The following ETS1 variants were observed in gnomAD, a reference collection of about 807,000 sequenced individuals.
The protein encoded by ETS1 is ETS proto-oncogene 1, transcription factor.
ETS1 carries 15 observed loss-of-function variants against 58.6 expected under a neutral mutation model. The observed-to-expected ratio is 0.26, with a 90% confidence interval of 0.17 to 0.39. The LOEUF (loss-of-function observed/expected upper bound fraction) is 0.39, where lower values mean the gene tolerates loss of function less well. Among genes scored for constraint, ETS1 ranks in the 10% least tolerant of loss-of-function variants. The pLI is 1.00. For missense variants in ETS1, 417 were observed against 610.5 expected, an observed-to-expected ratio of 0.68 and a Z score of 3.34; for synonymous variants, 214 against 218.2, an observed-to-expected ratio of 0.98 and a Z score of 0.17.
chr11:128,533,417 G>A (rs1863928789), intron 3 of ETS1, among the ~76,000 whole-genome samples: 1 of 152,126 alleles, frequency 6.6e-6, no homozygotes, highest in Admixed American at 6.5e-5. Flanking sequence ...AACTCCCTTA[G>A]ATACTCCTCA....
intron 2 of ETS1, among the ~76,000 whole-genome samples, chr11:128,556,716 T>G (rs576656483): frequency 1.1e-4 from 16 of 152,352 alleles, no homozygotes; most frequent in African/African-American, 3.6e-4. Flanking sequence ...AACCCATGGT[T>G]AACAGCAGGG....
chr11:128,523,144 T>C (rs558450580), intron 3 of ETS1, among the ~76,000 whole-genome samples: 20 of 152,336 alleles, frequency 1.3e-4, no homozygotes, highest in African/African-American at 4.8e-4. Context: ...TCTCCTCTTT[T>C]AGATAAAACT....
intron 8 of ETS1, among the ~76,000 whole-genome samples, chr11:128,477,716 G>C (rs1296453744): frequency 6.6e-6 from 1 of 152,170 alleles, no homozygotes; most frequent in Non-Finnish European, 1.5e-5. Context: ...TCCAGTTCAA[G>C]TCTAAGGATA....
At chr11:128,488,632 C>T (rs1413052970) in intron 5 of ETS1, among the ~76,000 whole-genome samples, 1 of 152,142 alleles carries the variant, frequency 6.6e-6, no homozygotes, top group African/African-American at 2.4e-5. Flanking sequence ...CCAAGTTTGC[C>T]GCCTGCTGCT....
chr11:128,471,232 G>A (rs1425686316), intron 8 of ETS1, among the ~76,000 whole-genome samples: 4 of 152,232 alleles, frequency 2.6e-5, no homozygotes, highest in Non-Finnish European at 5.9e-5. Context: ...TTGACAGCAA[G>A]ACCAGGTGGC....
intron 9 of ETS1, 102 bp from the exon 10 acceptor site, chr11:128,462,678 C>A (rs1167651583): frequency 1.2e-6 from 1 of 809,630 alleles, no homozygotes; most frequent in African/African-American, 1.7e-5. Context: ...TCATGGTGAC[C>A]CATGATGCTC....
At chr11:128,570,635 T>C (rs1486034798) in intron 2 of ETS1, among the ~76,000 whole-genome samples, 1 of 152,242 alleles carries the variant, frequency 6.6e-6, no homozygotes, top group Non-Finnish European at 1.5e-5. Context: ...TTAAATCTTA[T>C]TTTTCAAGTC....
At chr11:128,522,136 T>G in intron 3 of ETS1, 1 of 1,320,858 alleles carries the variant, frequency 7.6e-7, no homozygotes, top group Non-Finnish European at 9.7e-7. Context: ...CCCGCTGCCT[T>G]TCTTTCCCCC....
intron 3 of ETS1, among the ~76,000 whole-genome samples, chr11:128,547,926 G>A (rs1864156523): frequency 2.0e-5 from 3 of 152,088 alleles, no homozygotes; most frequent in African/African-American, 4.8e-5. Context: ...ATGCTTCAGT[G>A]GGAAGGTGAT....
chr11:128,527,057 G>T (rs1461933519), intron 3 of ETS1: 1 of 441,290 alleles, frequency 2.3e-6, no homozygotes, highest in African/African-American at 2.0e-5. Flanking sequence ...AGACACCCTT[G>T]AGACACAAGA....
At chr11:128,580,152 GA>G (rs1290451042) in intron 1 of ETS1, among the ~76,000 whole-genome samples, 1 of 121,608 alleles carries the variant, frequency 8.2e-6, no homozygotes, top group Non-Finnish European at 1.6e-5. Flanking sequence ...GCTTATCCAA[GA>G]GAGTAAGTTA....
intron 3 of ETS1, among the ~76,000 whole-genome samples, chr11:128,529,464 G>T (rs117361200): frequency 1.3e-5 from 2 of 152,110 alleles, no homozygotes; most frequent in African/African-American, 4.8e-5. Flanking sequence ...CACTTTTGTC[G>T]AAGTAGAGTA....
At chr11:128,559,522 T>C (rs916155425) in intron 2 of ETS1, among the ~76,000 whole-genome samples, 8 of 152,226 alleles carry the variant, frequency 5.3e-5, no homozygotes, top group African/African-American at 1.9e-4. Flanking sequence ...CTGTATATTT[T>C]TAAGGCATAG....
chr11:128,462,428 C>T lies in ETS1; in HGVS notation c.1391G>A (p.Ser464Asn), dbSNP rs760985718. The change falls in exon 10 of 10, where the codon AGC (serine) becomes AAC (asparagine). Residue 464 changes from serine (S) to asparagine (N), a missense_variant. Transcript: ENST00000392668. ...CTCCTCAGGGGTGTACCCCAGCAGG[C>T]TCTGCAGGTCACACACAAAGCGGTA... ...YVYRFVCDLQSLLGYTPEELH... is the reference protein window; with the variant it reads ...YVYRFVCDLQNLLGYTPEELH... The T allele has an allele frequency of 1.2e-6, 2 of 1,614,206 alleles. No homozygotes were observed. The highest frequency in any genetic ancestry group is 1.7e-6 in the Non-Finnish European group (2 of 1,180,036).
chr11:128,479,415 C>T (rs1862420615), intron 8 of ETS1, among the ~76,000 whole-genome samples: 1 of 152,334 alleles, frequency 6.6e-6, no homozygotes, highest in East Asian at 1.9e-4. Context: ...ATGATTAACA[C>T]ATTAATGCTC....
At chr11:128,508,643 ACT>A (rs1395646939) in intron 3 of ETS1, among the ~76,000 whole-genome samples, 1 of 152,182 alleles carries the variant, frequency 6.6e-6, no homozygotes, top group African/African-American at 2.4e-5. Context: ...GTTTATCTAA[ACT>A]CTGTATCGTA....
At chr11:128,475,889 T>TGTGTGG (rs1417603760) in intron 8 of ETS1, among the ~76,000 whole-genome samples, 1 of 151,584 alleles carries the variant, frequency 6.6e-6, no homozygotes, top group African/African-American at 2.4e-5. Flanking sequence ...CCTTTGTGTG[T>TGTGTGG]GTGTGTGTGT....
intron 3 of ETS1, chr11:128,522,019 G>A (rs1167020813): frequency 6.4e-7 from 1 of 1,568,454 alleles, no homozygotes; most frequent in South Asian, 1.1e-5. Flanking sequence ...GGGACGTACG[G>A]GATGGTAGCA....
chr11:128,479,891 C>T (rs922268051), intron 8 of ETS1, among the ~76,000 whole-genome samples: 1 of 151,918 alleles, frequency 6.6e-6, no homozygotes, highest in Non-Finnish European at 1.5e-5. Flanking sequence ...TTTCCAGGAA[C>T]ACCAGATCAT....
Sources: gnomAD v4.1 joint callset for allele counts (sites outside exome capture counted in the v4.1 genomes callset) on GRCh38, gnomAD v4.1.1 for gene constraint, MANE v1.5 for transcripts, NCBI Gene and HGNC (gene_info 2026-07-23, HGNC 2026-07-21) for gene names.